Variants in WDPCP observed in about 807,000 individuals in gnomAD.
The protein encoded by WDPCP is WD repeat-containing and planar cell polarity effector protein fritz homolog.
WDPCP carries 71 observed loss-of-function variants against 93.1 expected under a neutral mutation model. The ratio of observed to expected loss-of-function variants is 0.76; its 90% CI spans 0.63 to 0.93. WDPCP has a LOEUF of 0.93. Ranked by LOEUF, WDPCP falls within the 40% of genes least tolerant of loss-of-function variation. The probability of loss-of-function intolerance (pLI) is 0.00; values close to 1 mark genes in which losing one functional copy is unlikely to be tolerated. For synonymous variants in WDPCP, 315 were observed against 315.0 expected, an observed-to-expected ratio of 1.00 and a Z score of 0.00; for missense variants, 844 against 887.4, an observed-to-expected ratio of 0.95 and a Z score of 0.62.
intron 10 of WDPCP, among the ~76,000 whole-genome samples, chr2:63,398,629 T>C (rs988563465): frequency 1.3e-5 from 2 of 152,176 alleles, no homozygotes; most frequent in Non-Finnish European, 2.9e-5. Context: ...TCTTAGCATA[T>C]TGGCATTAGG....
intron 12 of WDPCP, among the ~76,000 whole-genome samples, chr2:63,315,527 G>A (rs1407703612): frequency 6.6e-6 from 1 of 151,648 alleles, no homozygotes; most frequent in East Asian, 1.9e-4. Flanking sequence ...AAGAAAACAA[G>A]GCACTATAAC....
intron 13 of WDPCP, among the ~76,000 whole-genome samples, chr2:63,290,645 T>G (rs1314794370): frequency 6.6e-6 from 1 of 152,164 alleles, no homozygotes; most frequent in Non-Finnish European, 1.5e-5. Context: ...AGTATCTTTA[T>G]TTCACCCTCA....
chr2:63,417,540 A>G (rs562580323), intron 9 of WDPCP, among the ~76,000 whole-genome samples: 182 of 151,766 alleles, frequency 1.2e-3, no homozygotes, highest in African/African-American at 4.3e-3. Context: ...AATAATGTCT[A>G]TGAAAATAAT....
At chr2:63,357,769 G>A (rs1194036656) in intron 12 of WDPCP, among the ~76,000 whole-genome samples, 1 of 152,018 alleles carries the variant, frequency 6.6e-6, no homozygotes, top group Non-Finnish European at 1.5e-5. Context: ...TATACTCAGA[G>A]GAATATAAGT....
chr2:63,465,510 T>A (rs1239362152), intron 6 of WDPCP, among the ~76,000 whole-genome samples: 1 of 152,194 alleles, frequency 6.6e-6, no homozygotes, highest in African/African-American at 2.4e-5. Context: ...CTCTCTAATT[T>A]TTTACAGTGC....
intron 14 of WDPCP, among the ~76,000 whole-genome samples, chr2:63,245,139 T>C (rs1204759060): frequency 1.3e-5 from 2 of 152,080 alleles, no homozygotes; most frequent in East Asian, 1.9e-4. Flanking sequence ...TCAGCTGTCA[T>C]ATCTTTTCCA....
At chr2:63,362,974 A>G (rs1690600448) in intron 12 of WDPCP, among the ~76,000 whole-genome samples, 1 of 152,202 alleles carries the variant, frequency 6.6e-6, no homozygotes, top group Non-Finnish European at 1.5e-5. Context: ...TAATTTAAAA[A>G]CTTAAAAATT....
At chr2:63,742,504 G>C (rs1240268413) in intron 2 of WDPCP, among the ~76,000 whole-genome samples, 1 of 151,312 alleles carries the variant, frequency 6.6e-6, no homozygotes, top group African/African-American at 2.4e-5. Context: ...AGAATTTATC[G>C]TGCCCTGCCT....
Position 63,787,909 on chromosome 2 carries a change from G to A in WDPCP, n.308+25713C>T, listed in dbSNP as rs543160794. 2.2e-3 allele frequency among the ~76,000 whole-genome samples: 338 copies of A among 151,934 alleles called. 3 individuals are homozygous for A. Among genetic ancestry groups the A allele is most frequent in the African/African-American group, 1.9e-4 (8 of 41,492 alleles). On this transcript the variant is annotated intron_variant and non_coding_transcript_variant, in intron 2 of 4. Transcript: ENST00000467687. The stretch of plus-strand genomic sequence containing the variant: ...ACAAAAAGGAGCTGGGTGTGGTGGC[G>A]CACATCTGTAATCCCAGCTACTTGG...
intron 13 of WDPCP, among the ~76,000 whole-genome samples, chr2:63,263,653 G>A (rs1681846173): frequency 6.6e-6 from 1 of 152,160 alleles, no homozygotes; most frequent in South Asian, 2.1e-4. Context: ...CAAATGTCTG[G>A]GAAATGGTCA....
rs535653446 is a variant in WDPCP at position 63,581,147 on chromosome 2, A to G, written c.75+7050T>C. Among the ~76,000 whole-genome samples the G allele has an allele frequency of 5.3e-5, 8 of 152,238 alleles. No individual in the cohort carries two copies. In the South Asian group the frequency reaches 1.4e-3, roughly 28 times the overall value. On this transcript the variant is annotated intron_variant, in intron 1 of 17. Coordinates refer to ENST00000272321, the MANE Select transcript of WDPCP (RefSeq NM_015910.7). Reference sequence around the variant, plus strand: ...GGAACTAAAAACCAACGTAGAAGGCATACAAAGCTGTCTTAGAGCTTAGTT... The same window carrying G: ...GGAACTAAAAACCAACGTAGAAGGCGTACAAAGCTGTCTTAGAGCTTAGTT...
chr2:63,487,230 A>AT (rs1396485224), intron 3 of WDPCP, among the ~76,000 whole-genome samples: 3 of 151,900 alleles, frequency 2.0e-5, no homozygotes, highest in Admixed American at 2.0e-4. Context: ...TAAAATGAAA[A>AT]TTTTCATGTC....
At chr2:63,196,177 G>A (rs1011282953) in intron 14 of WDPCP, among the ~76,000 whole-genome samples, 1 of 152,210 alleles carries the variant, frequency 6.6e-6, no homozygotes, top group African/African-American at 2.4e-5. Context: ...TGCCACTAGT[G>A]ATGCTGGAAT....
intron 1 of WDPCP, among the ~76,000 whole-genome samples, chr2:63,562,033 G>C (rs1329710257): frequency 6.6e-6 from 1 of 152,120 alleles, no homozygotes; most frequent in Non-Finnish European, 1.5e-5. Context: ...TATACCAAAA[G>C]GAGTATCAAT....
upstream of WDPCP, among the ~76,000 whole-genome samples, chr2:63,830,886 T>C (rs949555929): frequency 2.0e-5 from 3 of 152,156 alleles, no homozygotes; most frequent in Non-Finnish European, 4.4e-5. Flanking sequence ...ATGTTGACAA[T>C]TCCTAAATTT....
At chr2:63,549,760 C>T (rs1705438203) in intron 1 of WDPCP, among the ~76,000 whole-genome samples, 1 of 152,014 alleles carries the variant, frequency 6.6e-6, no homozygotes, top group South Asian at 2.1e-4. Flanking sequence ...GAGTGAGACT[C>T]CATCTCAAAA....
intron 9 of WDPCP, among the ~76,000 whole-genome samples, chr2:63,404,983 A>G (rs910698120): frequency 1.3e-5 from 2 of 152,210 alleles, no homozygotes; most frequent in Non-Finnish European, 2.9e-5. Flanking sequence ...GTTCCACAGT[A>G]CATAAAAACT....
chr2:63,771,332 C>G (rs555015939), intron 2 of WDPCP, among the ~76,000 whole-genome samples: 1 of 151,070 alleles, frequency 6.6e-6, no homozygotes, highest in Non-Finnish European at 1.5e-5. Context: ...AAAACTCAAG[C>G]GACACAAAAA....
Position 63,706,985 on chromosome 2 carries a change from C to T in WDPCP, n.309-56147G>A, listed in dbSNP as rs375575765. On this transcript the variant is annotated intron_variant and non_coding_transcript_variant, in intron 2 of 4. Transcript: ENST00000467687. ...TCTCTTCTGGCTTGTAGAGTTTCTG[C>T]CGAGAGATCAGTTGTTAGTCTGATG... 7.2e-5 allele frequency among the ~76,000 whole-genome samples: 11 copies of T among 152,150 alleles called. 1 individual carries two copies. In the East Asian group the frequency reaches 7.7e-4, roughly 11 times the overall value.
Sources: allele counts gnomAD v4.1 joint callset (sites outside exome capture counted in the v4.1 genomes callset), GRCh38; gene constraint gnomAD v4.1.1; transcripts MANE v1.5; gene names NCBI Gene and HGNC (gene_info 2026-07-23, HGNC 2026-07-21).